The following LDLRAD3 variants were observed in gnomAD, a reference collection of about 807,000 sequenced individuals.
LDLRAD3 encodes low-density lipoprotein receptor class A domain-containing protein 3.
LDLRAD3 carries 20 observed loss-of-function variants against 29.4 expected under a neutral mutation model. The observed-to-expected ratio is 0.68, with a 90% CI of 0.48 to 0.99. The LOEUF is 0.99. Among genes scored for constraint, LDLRAD3 ranks in the 50% least tolerant of loss-of-function variants. The pLI is 0.00. For missense variants in LDLRAD3, 420 were observed against 454.3 expected (o/e 0.92, Z 0.69); for synonymous variants, 157 against 192.7 (o/e 0.81, Z 1.53).
chr11:36,083,575 A>T (rs928644343), intron 3 of LDLRAD3, among the ~76,000 whole-genome samples: 1 of 152,154 alleles, frequency 6.6e-6, no homozygotes, highest in Admixed American at 6.6e-5. Flanking sequence ...GTGGTTTAAA[A>T]CAAAACTGTA....
At chr11:35,968,115 G>A in intron 1 of LDLRAD3, 1 of 444,852 alleles carries the variant, frequency 2.2e-6, no homozygotes. Flanking sequence ...TAGAACACAT[G>A]TCTCAGCAGG....
intron 1 of LDLRAD3, among the ~76,000 whole-genome samples, chr11:35,960,666 G>A (rs920323920): frequency 6.6e-6 from 1 of 152,124 alleles, no homozygotes; most frequent in Non-Finnish European, 1.5e-5. Flanking sequence ...GCGCGATCTC[G>A]GCTCACTGCA....
chr11:36,098,928 CTG>C lies in LDLRAD3; in HGVS notation c.454+470_454+471del, dbSNP rs1173980088. ...AAGTTTACATTGCTGACATCATTGT[CTG>C]TGCCTGTCAGTTTTACTGTGCTATC... On this transcript the variant is annotated intron_variant, in intron 4 of 5. Transcript: ENST00000315571. Among the ~76,000 whole-genome samples the C allele has an allele frequency of 1.1e-4, 17 of 152,144 alleles. No individual in the cohort carries two copies. In the East Asian group the frequency reaches 1.2e-3, roughly 10 times the overall value.
chr11:36,193,122 T>C (rs948038632), intron 4 of LDLRAD3, among the ~76,000 whole-genome samples: 1 of 152,190 alleles, frequency 6.6e-6, no homozygotes, highest in Non-Finnish European at 1.5e-5. Context: ...AATCACGGAA[T>C]CTCTCCGAGC....
intron 4 of LDLRAD3, among the ~76,000 whole-genome samples, chr11:36,175,027 G>A (rs1196101392): frequency 1.3e-5 from 2 of 152,056 alleles, no homozygotes; most frequent in Non-Finnish European, 2.9e-5. Flanking sequence ...TCATTAAAAA[G>A]TCAGGAAACA....
chr11:36,163,906 A>C (rs940452630), intron 4 of LDLRAD3, among the ~76,000 whole-genome samples: 1 of 152,166 alleles, frequency 6.6e-6, no homozygotes, highest in Non-Finnish European at 1.5e-5. Flanking sequence ...AGCCACCTCA[A>C]TTTTGCTCCC....
intron 1 of LDLRAD3, among the ~76,000 whole-genome samples, chr11:36,017,511 A>T (rs1394433363): frequency 6.7e-6 from 1 of 149,194 alleles, no homozygotes; most frequent in Non-Finnish European, 1.5e-5. Context: ...TCATGATTGT[A>T]CTGATTAAGC....
intron 4 of LDLRAD3, among the ~76,000 whole-genome samples, chr11:36,143,931 C>T (rs148703321): frequency 0.098 from 12,981 of 132,780 alleles, 774 homozygotes; most frequent in Non-Finnish European, 0.12. Context: ...TCCCCCTCCC[C>T]CTCCCCCTCC....
intron 4 of LDLRAD3, among the ~76,000 whole-genome samples, chr11:36,175,403 A>G (rs970305451): frequency 2.0e-5 from 3 of 151,668 alleles, no homozygotes; most frequent in African/African-American, 4.8e-5. Flanking sequence ...GTGACCTTAG[A>G]TTGTCTATTT....
intron 4 of LDLRAD3, among the ~76,000 whole-genome samples, chr11:36,135,349 G>A (rs1853988809): frequency 6.6e-6 from 1 of 152,192 alleles, no homozygotes; most frequent in South Asian, 2.1e-4. Flanking sequence ...CATGGCTGGG[G>A]TTTGGGAAGA....
chr11:35,987,038 A>G (rs944183729), intron 1 of LDLRAD3, among the ~76,000 whole-genome samples: 5 of 152,174 alleles, frequency 3.3e-5, no homozygotes, highest in African/African-American at 1.2e-4. Context: ...GGCATTTAAA[A>G]TCTGTTTGAG....
Position 36,036,208 on chromosome 11 carries a change from G to T in LDLRAD3, c.152G>T (p.Gly51Val), listed in dbSNP as rs1565176450. ...ATCCCGGGCGCCTGGCAGTGTGACG[G>T]GCTGCCTGACTGCTTCGACAAGAGT... ...RCIPGAWQCD[G>V]LPDCFDKSDE... The change falls in exon 2 of 6, where the codon GGG (glycine) becomes GTG (valine). Residue 51 changes from glycine to valine, a missense_variant. Around this residue, in one of 3 missense-constraint regions of LDLRAD3, gnomAD observed 224 missense variants for 222.2 expected, o/e 1.01. Coordinates refer to ENST00000315571, the MANE Select transcript of LDLRAD3 (RefSeq NM_174902.4). The T allele has an allele frequency of 6.2e-7, 1 of 1,614,162 alleles. No homozygotes were observed. Among genetic ancestry groups the T allele is most frequent in the Non-Finnish European group, 8.5e-7 (1 of 1,180,032 alleles).
intron 4 of LDLRAD3, among the ~76,000 whole-genome samples, chr11:36,111,719 T>C (rs1984704): frequency 0.61 from 92,561 of 151,942 alleles, 28,350 homozygotes; most frequent in East Asian, 0.79. Flanking sequence ...TCTGCCTCAC[T>C]CTCCCGAGTA....
chr11:36,005,611 G>A (rs1851875365), intron 1 of LDLRAD3, among the ~76,000 whole-genome samples: 1 of 152,232 alleles, frequency 6.6e-6, no homozygotes, highest in East Asian at 1.9e-4. Context: ...TACCCAGTTC[G>A]AAAGTCACTT....
At chr11:36,209,878 A>G (rs1565306539) in intron 4 of LDLRAD3, among the ~76,000 whole-genome samples, 1 of 152,252 alleles carries the variant, frequency 6.6e-6, no homozygotes, top group South Asian at 2.1e-4. Context: ...GTGCTAATAT[A>G]TGCCTGTACT....
chr11:36,119,644 A>G (rs1853725491), intron 4 of LDLRAD3, among the ~76,000 whole-genome samples: 1 of 151,302 alleles, frequency 6.6e-6, no homozygotes, highest in Non-Finnish European at 1.5e-5. Context: ...TTCTTGTGAG[A>G]AATGTCTGTT....
chr11:36,028,787 C>T (rs1368449733), intron 1 of LDLRAD3, among the ~76,000 whole-genome samples: 1 of 151,994 alleles, frequency 6.6e-6, no homozygotes, highest in African/African-American at 2.4e-5. Context: ...TATATAGGTA[C>T]CTTAATTTGG....
intron 4 of LDLRAD3, among the ~76,000 whole-genome samples, chr11:36,188,495 A>G (rs927452119): frequency 6.6e-6 from 1 of 152,036 alleles, no homozygotes; most frequent in African/African-American, 2.4e-5. Flanking sequence ...CCAAGAGGCA[A>G]CCAGATATAC....
intron 4 of LDLRAD3, among the ~76,000 whole-genome samples, chr11:36,144,664 TCTGAGAAGTGAGGAGCCCCTCC>T (rs1854145303): frequency 2.8e-5 from 2 of 71,402 alleles, no homozygotes; most frequent in East Asian, 7.5e-4. Context: ...AGCCACACCG[TCTGAGAAGTGAGGAGCCCCTCC>T]GCCCGGCAGC....
Sources: gnomAD v4.1 joint callset for allele counts (sites outside exome capture counted in the v4.1 genomes callset) on GRCh38, gnomAD v4.1.1 for gene constraint, gnomAD v4.1.1 regional missense constraint, MANE v1.5 for transcripts, NCBI Gene and HGNC (gene_info 2026-07-23, HGNC 2026-07-21) for gene names.